VPS13B: variants seen among roughly 807,000 people sequenced by gnomAD.
VPS13B encodes intermembrane lipid transfer protein VPS13B.
VPS13B carries 285 observed loss-of-function variants against 426.4 expected under a neutral mutation model. The observed-to-expected ratio is 0.67, with a 90% CI of 0.61 to 0.74. The LOEUF is 0.74. Ranked by LOEUF, VPS13B falls within the 30% of genes least tolerant of loss-of-function variation. The probability of loss-of-function intolerance (pLI) is 0.00; values close to 1 mark genes in which losing one functional copy is unlikely to be tolerated. For missense variants in VPS13B, 4,537 were observed against 4,782.6 expected (o/e 0.95, Z 1.51); for synonymous variants, 1,676 against 1,676.4 (o/e 1.00, Z 0.01).
At chr8:99,300,317 G>T (rs906483798) in intron 19 of VPS13B, among the ~76,000 whole-genome samples, 113 of 152,274 alleles carry the variant, frequency 7.4e-4, no homozygotes, top group African/African-American at 2.6e-3. Flanking sequence ...TGTGCACTTT[G>T]ATAAACAGCA....
chr8:99,316,905 C>G (rs1426864985), intron 19 of VPS13B, among the ~76,000 whole-genome samples: 1 of 152,112 alleles, frequency 6.6e-6, no homozygotes, highest in Non-Finnish European at 1.5e-5. Flanking sequence ...CTAATGCACA[C>G]AATTTTTGGA....
intron 33 of VPS13B, among the ~76,000 whole-genome samples, chr8:99,597,561 GAA>G (rs1189285952): frequency 6.6e-6 from 1 of 151,968 alleles, no homozygotes; most frequent in East Asian, 1.9e-4. Flanking sequence ...AGATTTCTGG[GAA>G]AGTCTTTACT....
intron 9 of VPS13B, 92 bp from the exon 10 acceptor site, chr8:99,134,923 A>G: frequency 6.9e-7 from 1 of 1,449,088 alleles, no homozygotes; most frequent in Non-Finnish European, 9.6e-7. Context: ...AATTCTAAAG[A>G]TGTTTAACTA....
At chr8:99,228,399 G>A (rs979776321) in intron 17 of VPS13B, among the ~76,000 whole-genome samples, 1 of 152,160 alleles carries the variant, frequency 6.6e-6, no homozygotes, top group Non-Finnish European at 1.5e-5. Context: ...TAACTAATAT[G>A]TACTTGTGAG....
intron 43 of VPS13B, among the ~76,000 whole-genome samples, chr8:99,793,988 G>T (rs1020778259): frequency 1.3e-5 from 2 of 152,298 alleles, no homozygotes; most frequent in Middle Eastern, 3.4e-3. Context: ...GGGTGCAGTG[G>T]TGCTTCACAC....
chr8:99,669,409 C>T (rs1830615275), intron 35 of VPS13B, among the ~76,000 whole-genome samples: 1 of 151,948 alleles, frequency 6.6e-6, no homozygotes, highest in South Asian at 2.1e-4. Flanking sequence ...ATTTTTGAGC[C>T]ACTGTCATTG....
intron 2 of VPS13B, among the ~76,000 whole-genome samples, chr8:99,015,325 T>C (rs1170005910): frequency 6.6e-6 from 1 of 150,912 alleles, no homozygotes; most frequent in East Asian, 2.0e-4. Flanking sequence ...CATGCCATTC[T>C]CCTGACTCAG....
chr8:99,065,246 T>C (rs1442922669), intron 3 of VPS13B, among the ~76,000 whole-genome samples: 7 of 152,156 alleles, frequency 4.6e-5, no homozygotes, highest in African/African-American at 1.7e-4. Context: ...GAATGAACAT[T>C]GATGCGAAAA....
chr8:99,055,033 G>GTTTTTTTTTTTTTT (rs775826222), intron 3 of VPS13B, among the ~76,000 whole-genome samples: 3 of 109,356 alleles, frequency 2.7e-5, no homozygotes, highest in Non-Finnish European at 3.8e-5. Flanking sequence ...TTGTATTTCT[G>GTTTTTTTTTTTTTT]TTTTTTTTTT....
intron 17 of VPS13B, among the ~76,000 whole-genome samples, chr8:99,200,157 G>T (rs571778484): frequency 1.3e-5 from 2 of 152,216 alleles, no homozygotes; most frequent in South Asian, 4.1e-4. Context: ...GCAGTTCTTT[G>T]TGACTGCATA....
chr8:99,320,636 G>A (rs201534426), intron 19 of VPS13B, among the ~76,000 whole-genome samples: 12 of 152,184 alleles, frequency 7.9e-5, no homozygotes, highest in East Asian at 5.8e-4. Flanking sequence ...GTAAATTGTC[G>A]TTTATTTGGC....
intron 6 of VPS13B, among the ~76,000 whole-genome samples, chr8:99,113,963 T>C (rs1412067072): frequency 6.6e-6 from 1 of 152,116 alleles, no homozygotes; most frequent in Non-Finnish European, 1.5e-5. Flanking sequence ...GTGAGATACA[T>C]ACGTTCTGGT....
intron 21 of VPS13B, among the ~76,000 whole-genome samples, chr8:99,423,263 AT>A (rs770430651): frequency 2.4e-3 from 353 of 144,938 alleles, no homozygotes; most frequent in African/African-American, 5.6e-3. Context: ...GTATGTGTGA[AT>A]TTTTTTTTTT....
intron 61 of VPS13B, chr8:99,875,145 C>T: frequency 4.2e-6 from 2 of 479,678 alleles, no homozygotes; most frequent in Non-Finnish European, 3.8e-6. Flanking sequence ...GTTATCAAAT[C>T]GTCAACTTCA....
At chr8:99,571,376 T>A (rs898887278) in intron 31 of VPS13B, among the ~76,000 whole-genome samples, 3 of 152,296 alleles carry the variant, frequency 2.0e-5, no homozygotes, top group Admixed American at 2.0e-4. Flanking sequence ...CAATGATTTT[T>A]AAAAATATTT....
chr8:99,650,020 T>G (rs1448087274), intron 34 of VPS13B, among the ~76,000 whole-genome samples: 1 of 152,208 alleles, frequency 6.6e-6, no homozygotes, highest in East Asian at 1.9e-4. Flanking sequence ...TTTTTAATTG[T>G]AAGCAGCATG....
In VPS13B at chr8:99,428,654, G is replaced by A. The variant is rs182822240; in HGVS notation, c.3083-2883G>A. ...AAACAACAGGTGCTGGAGAGGATGTGGAGAAATAACACTTTTACACTGTTG... is the reference window on the plus strand; with the variant it reads ...AAACAACAGGTGCTGGAGAGGATGTAGAGAAATAACACTTTTACACTGTTG... On this transcript the variant is annotated intron_variant, in intron 21 of 61. Transcript: ENST00000357162. Among the ~76,000 whole-genome samples, 7 of 152,268 alleles carry A rather than the reference G, an allele frequency of 4.6e-5. No individual in the cohort carries two copies. In the East Asian group the frequency reaches 1.4e-3, roughly 29 times the overall value.
chr8:99,095,039 C>A (rs974350660), intron 3 of VPS13B, among the ~76,000 whole-genome samples: 1 of 152,160 alleles, frequency 6.6e-6, no homozygotes, highest in Non-Finnish European at 1.5e-5. Context: ...ATTTTCTCTT[C>A]GTAATGCCTA....
chr8:99,257,011 A>G (rs538584935), intron 17 of VPS13B, among the ~76,000 whole-genome samples: 5 of 152,142 alleles, frequency 3.3e-5, no homozygotes, highest in Non-Finnish European at 7.4e-5. Flanking sequence ...GAGTAGTTTC[A>G]TAGTAAATAT....
Sources: allele counts gnomAD v4.1 joint callset (sites outside exome capture counted in the v4.1 genomes callset), GRCh38; gene constraint gnomAD v4.1.1; transcripts MANE v1.5; gene names NCBI Gene and HGNC (gene_info 2026-07-23, HGNC 2026-07-21).